PTPRM: variants seen among roughly 807,000 people sequenced by gnomAD.
The protein encoded by PTPRM is protein tyrosine phosphatase receptor type M, also known as receptor-type tyrosine-protein phosphatase mu.
PTPRM carries 47 observed loss-of-function variants against 186.7 expected under a neutral mutation model. The observed-to-expected ratio is 0.25, with a 90% confidence interval of 0.20 to 0.32. The LOEUF is 0.32. Ranked by LOEUF, PTPRM falls within the 10% of genes least tolerant of loss-of-function variation. The pLI is 1.00. For synonymous variants in PTPRM, 668 were observed against 674.9 expected (o/e 0.99, Z 0.16); for missense variants, 1,494 against 1,865.0 (o/e 0.80, Z 3.66).
intron 19 of PTPRM, among the ~76,000 whole-genome samples, chr18:8,281,697 G>A (rs2094905863): frequency 6.6e-6 from 1 of 152,120 alleles, no homozygotes; most frequent in South Asian, 2.1e-4. Flanking sequence ...GAAGTGGATT[G>A]AGGTCCACAG....
chr18:7,925,097 T>C (rs2051093226), intron 4 of PTPRM, among the ~76,000 whole-genome samples: 1 of 152,212 alleles, frequency 6.6e-6, no homozygotes, highest in Admixed American at 6.5e-5. Context: ...TTCCATTTTC[T>C]AAAAACAATG....
chr18:7,762,920 C>G (rs1017635179), intron 1 of PTPRM, among the ~76,000 whole-genome samples: 2 of 152,202 alleles, frequency 1.3e-5, no homozygotes, highest in African/African-American at 4.8e-5. Context: ...GTAACAGTGA[C>G]TACACTTTCA....
intron 7 of PTPRM, among the ~76,000 whole-genome samples, chr18:8,048,942 T>G (rs1269040155): frequency 6.6e-6 from 1 of 152,172 alleles, no homozygotes; most frequent in Non-Finnish European, 1.5e-5. Flanking sequence ...CAGTTCCGGG[T>G]AAAATATCAG....
chr18:7,954,857 G>C (rs556508928), intron 6 of PTPRM, among the ~76,000 whole-genome samples: 19 of 152,262 alleles, frequency 1.2e-4, no homozygotes, highest in African/African-American at 4.3e-4. Flanking sequence ...CATATGCTAT[G>C]CACGGTGGTT....
chr18:7,874,974 C>T (rs1475500152), intron 2 of PTPRM, among the ~76,000 whole-genome samples: 1 of 152,152 alleles, frequency 6.6e-6, no homozygotes, highest in Non-Finnish European at 1.5e-5. Flanking sequence ...GGGCGGATCA[C>T]TTGAGGCCAG....
At chr18:8,182,564 C>A (rs1430664123) in intron 14 of PTPRM, among the ~76,000 whole-genome samples, 1 of 152,148 alleles carries the variant, frequency 6.6e-6, no homozygotes, top group Non-Finnish European at 1.5e-5. Flanking sequence ...AAGGACTTTT[C>A]AGATATATAG....
chr18:8,313,563 A>G (rs940741674), intron 20 of PTPRM, among the ~76,000 whole-genome samples: 2 of 151,360 alleles, frequency 1.3e-5, no homozygotes, highest in Admixed American at 1.3e-4. Flanking sequence ...TGCTATTAGC[A>G]CATCCTTTCT....
At chr18:8,205,012 G>A (rs756375330) in intron 14 of PTPRM, among the ~76,000 whole-genome samples, 9 of 152,072 alleles carry the variant, frequency 5.9e-5, no homozygotes, top group Admixed American at 2.0e-4. Context: ...TCTTTATTGC[G>A]TTTCTCTTAC....
At chr18:8,016,816 C>T (rs917606592) in intron 7 of PTPRM, among the ~76,000 whole-genome samples, 65 of 152,206 alleles carry the variant, frequency 4.3e-4, no homozygotes, top group African/African-American at 1.5e-3. Flanking sequence ...CTATCCATAC[C>T]AATAATCTGG....
At chr18:8,181,945 A>C (rs1204068845) in intron 14 of PTPRM, among the ~76,000 whole-genome samples, 1 of 152,184 alleles carries the variant, frequency 6.6e-6, no homozygotes, top group African/African-American at 2.4e-5. Flanking sequence ...TTTAAGATGA[A>C]GATGAGTAGC....
At chr18:7,999,268 A>G (rs776459312) in intron 7 of PTPRM, among the ~76,000 whole-genome samples, 102 of 152,228 alleles carry the variant, frequency 6.7e-4, no homozygotes, top group Middle Eastern at 3.4e-3. Flanking sequence ...ACATGGGGAG[A>G]ATGTACAAAC....
intron 11 of PTPRM, among the ~76,000 whole-genome samples, chr18:8,111,807 G>A (rs1417572782): frequency 6.6e-6 from 1 of 152,252 alleles, no homozygotes; most frequent in Non-Finnish European, 1.5e-5. Context: ...TAATTGAAAT[G>A]CATTTAAAAC....
At chr18:8,347,989 G>A (rs1450033575) in intron 23 of PTPRM, among the ~76,000 whole-genome samples, 1 of 152,200 alleles carries the variant, frequency 6.6e-6, no homozygotes, top group Non-Finnish European at 1.5e-5. Context: ...GTTCCCTCAT[G>A]GGAAAAGCAC....
rs1270553535 is a variant in PTPRM at position 8,074,050 on chromosome 18, A to AT, written c.1442-2397dup. On this transcript the variant is annotated intron_variant, in intron 8 of 32. Coordinates refer to ENST00000580170, the MANE Select transcript of PTPRM (RefSeq NM_001105244.2). ...ACCCGGGCCTCCCATATGAATCAGC[A>AT]TTTTTTTTGTGCCAAACAACACTTG... Among the ~76,000 whole-genome samples, 10 of 152,032 alleles carry AT rather than the reference A, an allele frequency of 6.6e-5. No homozygotes were observed. In the East Asian group the frequency reaches 1.2e-3, roughly 18 times the overall value.
At chr18:8,173,217 A>G (rs112115350) in intron 14 of PTPRM, among the ~76,000 whole-genome samples, 6,395 of 152,306 alleles carry the variant, frequency 0.042, 197 homozygotes, top group Middle Eastern at 0.071. Context: ...TCACAAGCTC[A>G]GAGGGAAAAC....
At chr18:7,863,897 T>C (rs1470664860) in intron 2 of PTPRM, among the ~76,000 whole-genome samples, 5 of 152,194 alleles carry the variant, frequency 3.3e-5, no homozygotes, top group Non-Finnish European at 7.3e-5. Flanking sequence ...CCATTGTAAC[T>C]GGCGTGAGAT....
chr18:8,089,737 C>A (rs573446463), intron 11 of PTPRM, among the ~76,000 whole-genome samples: 31 of 152,112 alleles, frequency 2.0e-4, no homozygotes, highest in African/African-American at 7.2e-4. Flanking sequence ...GTTTTGACAC[C>A]TGGCTATATT....
intron 7 of PTPRM, among the ~76,000 whole-genome samples, chr18:8,055,424 C>T (rs1223922057): frequency 6.6e-6 from 1 of 152,158 alleles, no homozygotes; most frequent in Non-Finnish European, 1.5e-5. Context: ...TAGTTTTATA[C>T]AGTACATAAT....
At chr18:7,951,383 G>A (rs755804895) in intron 6 of PTPRM, among the ~76,000 whole-genome samples, 6 of 151,920 alleles carry the variant, frequency 3.9e-5, no homozygotes, top group Non-Finnish European at 8.8e-5. Flanking sequence ...ACTGTGACCT[G>A]CCACTACCCA....
Sources: allele counts gnomAD v4.1 joint callset (sites outside exome capture counted in the v4.1 genomes callset), GRCh38; gene constraint gnomAD v4.1.1; transcripts MANE v1.5; gene names NCBI Gene and HGNC (gene_info 2026-07-23, HGNC 2026-07-21).